Variants in NHSL1 observed in about 807,000 individuals in gnomAD.
NHSL1 encodes NHS-like protein 1.
In NHSL1, 48 loss-of-function variants were observed where a neutral mutation model predicts 95.0. The observed-to-expected ratio is 0.51, with a 90% CI of 0.40 to 0.64. The LOEUF (loss-of-function observed/expected upper bound fraction) is 0.64, where lower values mean the gene tolerates loss of function less well. Ranked by LOEUF, NHSL1 falls within the 30% of genes least tolerant of loss-of-function variation. NHSL1 has a pLI of 0.00. For missense variants in NHSL1, 1,971 were observed against 2,077.7 expected (o/e 0.95, Z 1.00); for synonymous variants, 783 against 833.9 (o/e 0.94, Z 1.05).
At position 138,486,428 on chromosome 6, in the gene NHSL1, C is replaced by T. The variant is rs147489371; in HGVS notation, c.211+9791G>A. 1.5e-3 allele frequency among the ~76,000 whole-genome samples: 222 copies of T among 152,292 alleles called. 6 individuals carry two copies. In the East Asian group the frequency reaches 0.035, roughly 24 times the overall value. On this transcript the variant is annotated intron_variant, in intron 2 of 7. Transcript: ENST00000343505. ...TCAAAGGTCACCAATCACCACCTAACAACCGATTCAATAGCCTTTTCTTAC... is the reference window on the plus strand; with the variant it reads ...TCAAAGGTCACCAATCACCACCTAATAACCGATTCAATAGCCTTTTCTTAC...
chr6:138,560,153 T>C (rs552457761), intron 1 of NHSL1, among the ~76,000 whole-genome samples: 1 of 152,336 alleles, frequency 6.6e-6, no homozygotes, highest in African/African-American at 2.4e-5. Flanking sequence ...ACCTTTATTA[T>C]TAGTTGGAGT....
intron 1 of NHSL1, among the ~76,000 whole-genome samples, chr6:138,652,945 A>C (rs1785111749): frequency 6.6e-6 from 1 of 152,196 alleles, no homozygotes; most frequent in East Asian, 1.9e-4. Context: ...AGGTTAGCTA[A>C]ATAGTCTAAA....
intron 3 of NHSL1, among the ~76,000 whole-genome samples, chr6:138,468,701 G>A (rs1778552806): frequency 6.6e-6 from 1 of 152,132 alleles, no homozygotes; most frequent in South Asian, 2.1e-4. Flanking sequence ...AAAAGCTGGG[G>A]GCCACTGGGC....
At chr6:138,470,481 AG>A (rs1307334774) in intron 3 of NHSL1, 12 of 152,172 alleles carry the variant, frequency 7.9e-5, no homozygotes, top group African/African-American at 2.2e-4. Flanking sequence ...TGTAGAGACA[AG>A]GTCTTGCTAC....
intron 3 of NHSL1, among the ~76,000 whole-genome samples, chr6:138,463,631 C>T (rs936010703): frequency 6.6e-6 from 1 of 151,688 alleles, no homozygotes; most frequent in East Asian, 1.9e-4. Context: ...CCTATCAACC[C>T]GTCGTCTAGG....
intron 1 of NHSL1, chr6:138,512,150 A>G (rs1488066156): frequency 8.7e-6 from 3 of 343,650 alleles, no homozygotes; most frequent in Admixed American, 8.3e-5. Flanking sequence ...AATTAAGTAT[A>G]CATTTAGGCT....
chr6:138,650,411 G>A, intron 1 of NHSL1: 1 of 1,430,340 alleles, frequency 7.0e-7, no homozygotes. Flanking sequence ...GCAGGAAGGG[G>A]TAGGTCAGCA....
At chr6:138,479,066 G>T (rs558501532) in intron 2 of NHSL1, among the ~76,000 whole-genome samples, 8 of 152,232 alleles carry the variant, frequency 5.3e-5, no homozygotes, top group South Asian at 2.1e-4. Flanking sequence ...TATACTCAGG[G>T]TATATGTTCC....
At chr6:138,571,483 AC>A (rs1783837356) in intron 1 of NHSL1, 1 of 522,552 alleles carries the variant, frequency 1.9e-6, no homozygotes, top group Non-Finnish European at 3.4e-6. Context: ...AGAACAAATA[AC>A]AGCTACTTTA....
At chr6:138,560,576 C>G (rs1203116662) in intron 1 of NHSL1, among the ~76,000 whole-genome samples, 2 of 152,118 alleles carry the variant, frequency 1.3e-5, no homozygotes, top group Non-Finnish European at 2.9e-5. Flanking sequence ...AGTTCTTTTT[C>G]CAGGAAGTCA....
intron 1 of NHSL1, among the ~76,000 whole-genome samples, chr6:138,540,874 A>T (rs4072982): frequency 0.032 from 4,885 of 152,272 alleles, 241 homozygotes; most frequent in African/African-American, 0.11. Context: ...CTAGATTTCT[A>T]CCTCTTGGAA....
At chr6:138,686,005 T>C (rs938688622) in intron 1 of NHSL1, among the ~76,000 whole-genome samples, 2 of 152,112 alleles carry the variant, frequency 1.3e-5, no homozygotes, top group Non-Finnish European at 2.9e-5. Context: ...GAGAGTACAA[T>C]GATGGTTACC....
intron 3 of NHSL1, chr6:138,464,476 T>C (rs1778216662): frequency 8.3e-6 from 2 of 239,702 alleles, no homozygotes; most frequent in South Asian, 2.0e-4. Flanking sequence ...CTGCAGTGCT[T>C]AAATTCTGAG....
At chr6:138,650,215 C>A in intron 1 of NHSL1, 1 of 617,542 alleles carries the variant, frequency 1.6e-6, no homozygotes, top group South Asian at 1.5e-5. Flanking sequence ...TTAGATGATT[C>A]AGGTTACTCC....
chr6:138,649,921 T>G (rs1230605201), intron 1 of NHSL1, among the ~76,000 whole-genome samples: 2 of 152,062 alleles, frequency 1.3e-5, no homozygotes, highest in African/African-American at 4.8e-5. Flanking sequence ...CACGAGCCAT[T>G]CTCCAGCCCT....
At position 138,477,861 on chromosome 6, in the gene NHSL1, T is replaced by G. The variant is rs117319829; in HGVS notation, c.212-4428A>C. Among the ~76,000 whole-genome samples the G allele has an allele frequency of 5.8e-3, 883 of 152,134 alleles. 1 individual carries two copies. The highest frequency in any genetic ancestry group is 9.8e-3 in the Non-Finnish European group (665 of 68,000). On this transcript the variant is annotated intron_variant, in intron 2 of 7. Coordinates refer to ENST00000343505, the MANE Select transcript of NHSL1 (RefSeq NM_001144060.2). Reference sequence around the variant, plus strand: ...AATAGCCAAAATGACTTGACACGTGTTAGATTTTAAAAGACCAAATATTGC... The same window carrying G: ...AATAGCCAAAATGACTTGACACGTGGTAGATTTTAAAAGACCAAATATTGC...
rs1171818750 is a variant in NHSL1 at position 138,577,848 on chromosome 6, T to TA, written c.97-81478dup. On this transcript the variant is annotated intron_variant, in intron 1 of 3. Coordinates refer to the NHSL1 transcript ENST00000491526. ...ATACTTTGAGCCAGATATTTATAAT[T>TA]AAAAAAACAAAACAACCAAACGGTA... Among the ~76,000 whole-genome samples, 14 of 152,234 alleles carry TA rather than the reference T, an allele frequency of 9.2e-5. 1 individual carries two copies. The highest frequency in any genetic ancestry group is 7.9e-4 in the Admixed American group (12 of 15,286).
intron 1 of NHSL1, among the ~76,000 whole-genome samples, chr6:138,609,647 G>A (rs1784481778): frequency 6.6e-6 from 1 of 151,088 alleles, no homozygotes; most frequent in South Asian, 2.1e-4. Flanking sequence ...CTATTCGGGA[G>A]GCTAAGGCAG....
intron 1 of NHSL1, among the ~76,000 whole-genome samples, chr6:138,670,590 C>T (rs1326920684): frequency 6.5e-5 from 9 of 139,006 alleles, no homozygotes; most frequent in Admixed American, 1.5e-4. Flanking sequence ...GGCGTGAACC[C>T]GGGAGGCGGA....
Sources: allele counts gnomAD v4.1 joint callset (sites outside exome capture counted in the v4.1 genomes callset), GRCh38; gene constraint gnomAD v4.1.1; transcripts MANE v1.5; gene names NCBI Gene and HGNC (gene_info 2026-07-23, HGNC 2026-07-21).